Variants in ASGR1 observed in about 807,000 individuals in gnomAD.
ASGR1 encodes the protein C-type lectin domain family 4 member H1.
A neutral mutation model predicts 33.1 loss-of-function variants in ASGR1; 35 were observed. The ratio of observed to expected loss-of-function variants is 1.06; its 90% CI spans 0.81 to 1.40. The LOEUF is 1.40. Ranked by LOEUF, ASGR1 falls within the 40% of genes most tolerant of loss-of-function variation. ASGR1 has a pLI of 0.00. For missense variants in ASGR1, 396 were observed against 373.7 expected (o/e 1.06, Z -0.49); for synonymous variants, 142 against 152.5 (o/e 0.93, Z 0.51).
intron 5 of ASGR1, 39 bp from the exon 6 acceptor site, chr17:7,174,499 G>C: frequency 1.3e-6 from 2 of 1,590,914 alleles, no homozygotes; most frequent in East Asian, 2.3e-5. Flanking sequence ...AGGAGATGCG[G>C]AAACCACGGG....
At chr17:7,175,560 G>A (rs1438730790) in intron 5 of ASGR1, among the ~76,000 whole-genome samples, 1 of 150,558 alleles carries the variant, frequency 6.6e-6, no homozygotes, top group African/African-American at 2.5e-5. Context: ...CACACAACAC[G>A]CACATACACA....
At position 7,177,208 on chromosome 17, in the gene ASGR1, A is replaced by G. The variant is rs1475185753; in HGVS notation, c.187+2T>C. The G allele has an allele frequency of 1.1e-5, 18 of 1,612,826 alleles. No individual in the cohort carries two copies. The highest frequency in any genetic ancestry group is 1.5e-5 in the Non-Finnish European group (18 of 1,179,700). ...CCCCCTTCCCACCCCTGGGGCACCC[A>G]CTTTGGGATCCGATCACACAGACAA... On this transcript the variant is annotated splice_donor_variant, in intron 3 of 8. Coordinates refer to ENST00000269299, the MANE Select transcript of ASGR1 (RefSeq NM_001671.5). LOFTEE classifies it high-confidence loss of function.
chr17:7,177,411 G>T, intron 2 of ASGR1, 85 bp from the exon 3 acceptor site: 1 of 1,137,582 alleles, frequency 8.8e-7, no homozygotes, highest in Admixed American at 2.3e-5. Context: ...GCAAGCTAAG[G>T]CGGCCCTAGT....
chr17:7,174,368 C>T lies in ASGR1; in HGVS notation c.442+6G>A, dbSNP rs371862803. 3.1e-6 allele frequency: 5 copies of T among 1,613,892 alleles called. No homozygotes were observed. Among genetic ancestry groups the T allele is most frequent in the African/African-American group, 2.7e-5 (2 of 74,908 alleles). ...GGCAGAGAGCGGGCCGGGCTGGCCTCCTTACCATTGCCCTGGAGCGCCGCC... is the reference window on the plus strand; with the variant it reads ...GGCAGAGAGCGGGCCGGGCTGGCCTTCTTACCATTGCCCTGGAGCGCCGCC... On this transcript the variant is annotated splice_donor_region_variant and intron_variant, in intron 6 of 8. Transcript: ENST00000269299.
At chr17:7,175,257 T>TCA (rs559956547) in intron 5 of ASGR1, among the ~76,000 whole-genome samples, 6 of 131,014 alleles carry the variant, frequency 4.6e-5, no homozygotes, top group South Asian at 4.9e-4. Flanking sequence ...ACATACACCC[T>TCA]CACACACACA....
In ASGR1 at chr17:7,173,694, G is replaced by C; in HGVS notation, c.841C>G (p.Leu281Val). ...RPYRWVCETE[L>V]DKASQEPPLL Reference sequence around the variant, plus strand: ...GGTGGCTCCTGGCTGGCCTTGTCCAGCTCTGTCTCGCAGACCCAGCGGTAG... The same window carrying C: ...GGTGGCTCCTGGCTGGCCTTGTCCACCTCTGTCTCGCAGACCCAGCGGTAG... Residue 281 changes from leucine (L) to valine (V), a missense_variant, in exon 9 of 9, where the codon CTG becomes GTG. Physicochemically the swap from Leu to Val is conservative, Grantham distance 32. Coordinates refer to ENST00000269299, the MANE Select transcript of ASGR1 (RefSeq NM_001671.5). The surrounding 1 kb of genome is among the most constrained non-coding windows in gnomAD (Gnocchi z 4.7). The C allele has an allele frequency of 2.5e-6, 4 of 1,613,864 alleles. No individual in the cohort carries two copies. Among genetic ancestry groups the C allele is most frequent in the South Asian group, 1.1e-5 (1 of 91,088 alleles).
At chr17:7,176,733 C>T in intron 5 of ASGR1, 97 bp downstream of exon 5, 2 of 1,525,784 alleles carry the variant, frequency 1.3e-6, no homozygotes, top group East Asian at 2.3e-5. Flanking sequence ...CTCTCATTCT[C>T]ACACACATCC....
At position 7,174,414 on chromosome 17, in the gene ASGR1, C is replaced by G; in HGVS notation, c.402G>C (p.Leu134=). Residue 134 remains leucine (L), a synonymous_variant, in exon 6 of 9, where the codon CTG becomes CTC. Coordinates refer to ENST00000269299, the MANE Select transcript of ASGR1 (RefSeq NM_001671.5). ...CCGCCATCTGACAGCTCAGGCTCCG[C>G]AGGTCAGACACGAACTGCTTCACGT... ...LLHVKQFVSD[L]RSLSCQMAAL... is the part of the protein sequence containing the mutation. 1 of 1,613,866 alleles carries G rather than the reference C, an allele frequency of 6.2e-7. No homozygotes were observed. Among genetic ancestry groups the G allele is most frequent in the Non-Finnish European group, 8.5e-7 (1 of 1,179,922 alleles).
chr17:7,173,930 G>C lies in ASGR1; in HGVS notation c.701+31C>G, dbSNP rs768379651. The stretch of plus-strand genomic sequence containing the variant: ...AGGGCCCCAGGGCGCGAAGGCGGCC[G>C]GACCCAGGCCGAGGGAGGGCGCGCA... On this transcript the variant is annotated intron_variant, in intron 8 of 8. Coordinates refer to ENST00000269299, the MANE Select transcript of ASGR1 (RefSeq NM_001671.5). This position sits in a 1 kb window ranked among gnomAD's most constrained non-coding sequence, Gnocchi z 4.7. 1.1e-5 allele frequency: 18 copies of C among 1,613,232 alleles called. No homozygotes were observed. The highest frequency in any genetic ancestry group is 2.2e-5 in the South Asian group (2 of 91,074).
At position 7,173,586 on chromosome 17, in the gene ASGR1, C is replaced by T; in HGVS notation, c.*73G>A. The T allele has an allele frequency of 6.3e-7, 1 of 1,588,072 alleles. No homozygotes were observed. Among genetic ancestry groups the T allele is most frequent in the Non-Finnish European group, 8.6e-7 (1 of 1,165,114 alleles). On this transcript the variant is annotated 3_prime_UTR_variant, in exon 9 of 9. Transcript: ENST00000269299. The surrounding 1 kb of genome is among the most constrained non-coding windows in gnomAD (Gnocchi z 4.7). ...TCCTAGATGAAAATTCCCGAGAAAG[C>T]AGAAGAGGCCCCCAGATGGGCGGAT...
At chr17:7,176,568 TCTC>T in intron 5 of ASGR1, 2 of 456,442 alleles carry the variant, frequency 4.4e-6, no homozygotes, top group Non-Finnish European at 7.8e-6. Flanking sequence ...CACACCTCAT[TCTC>T]ACACACAGAC....
intron 5 of ASGR1, chr17:7,176,567 TTC>T: frequency 4.2e-6 from 2 of 480,952 alleles, no homozygotes; most frequent in Non-Finnish European, 3.7e-6. Flanking sequence ...ACACACCTCA[TTC>T]TCACACACAG....
Position 7,174,191 on chromosome 17 carries a change from A to T in ASGR1, c.541T>A (p.Tyr181Asn). 1 of 1,614,176 alleles carries T rather than the reference A, an allele frequency of 6.2e-7. No homozygotes were observed. The highest frequency in any genetic ancestry group is 2.2e-5 in the East Asian group (1 of 44,886). ...AGGTGCGCGTCCTCCAGCCGGCAGT[A>T]GTTGTCGGCGTCAGCCCAGGCCTTC... Reference protein sequence around the residue: ...SGKAWADADNYCRLEDAHLVV... With the variant: ...SGKAWADADNNCRLEDAHLVV... Residue 181 changes from tyrosine (Y) to asparagine (N), a missense_variant, in exon 7 of 9, where the codon TAC becomes AAC. Tyr to Asn is a moderately radical substitution (Grantham distance 143, BLOSUM62 -2). Transcript: ENST00000269299.
intron 5 of ASGR1, among the ~76,000 whole-genome samples, chr17:7,175,771 TCA>T (rs1040441791): frequency 4.9e-5 from 7 of 141,524 alleles, no homozygotes; most frequent in South Asian, 4.4e-4. Flanking sequence ...CTTCTCATTT[TCA>T]CACAGGCTCT....
Position 7,177,012 on chromosome 17 carries a change from C to G in ASGR1, c.252G>C (p.Thr84=). The change falls in exon 4 of 9, where the codon ACG becomes ACC. Residue 84 remains threonine (T), a synonymous_variant. Coordinates refer to ENST00000269299, the MANE Select transcript of ASGR1 (RefSeq NM_001671.5). ...TGCTCAAGCCCTTGACCTGGGCCTC[C>G]GTGCTCGCTGTGAAGTTGCTGAACG... ...RETFSNFTAS[T]EAQVKGLSTQ... is the part of the protein sequence containing the mutation. The G allele has an allele frequency of 6.2e-7, 1 of 1,612,692 alleles. No individual in the cohort carries two copies. Among genetic ancestry groups the G allele is most frequent in the Non-Finnish European group, 8.5e-7 (1 of 1,179,894 alleles).
At position 7,173,939 on chromosome 17, in the gene ASGR1, C is replaced by G. The variant is rs368109417; in HGVS notation, c.701+22G>C. On this transcript the variant is annotated intron_variant, in intron 8 of 8. Coordinates refer to ENST00000269299, the MANE Select transcript of ASGR1 (RefSeq NM_001671.5). This position sits in a 1 kb window ranked among gnomAD's most constrained non-coding sequence, Gnocchi z 4.7. ...GGGCGCGAAGGCGGCCGGACCCAGGCCGAGGGAGGGCGCGCACTCACTTGA... is the reference window on the plus strand; with the variant it reads ...GGGCGCGAAGGCGGCCGGACCCAGGGCGAGGGAGGGCGCGCACTCACTTGA... 6.2e-7 allele frequency: 1 copy of G among 1,613,798 alleles called. No homozygotes were observed. The highest frequency in any genetic ancestry group is 1.7e-5 in the Admixed American group (1 of 60,020).
chr17:7,178,328 C>A, intron 2 of ASGR1, 166 bp downstream of exon 2: 1 of 726,658 alleles, frequency 1.4e-6, no homozygotes, highest in Non-Finnish European at 2.4e-6. Context: ...ACCCCACACT[C>A]CGCCCCTCTC....
At chr17:7,176,544 C>T in intron 5 of ASGR1, 1 of 511,162 alleles carries the variant, frequency 2.0e-6, no homozygotes, top group Non-Finnish European at 3.5e-6. Flanking sequence ...CACACCATCT[C>T]ATTCTCACAC....
chr17:7,178,374 G>T, intron 2 of ASGR1, 120 bp downstream of exon 2: 1 of 1,048,900 alleles, frequency 9.5e-7, no homozygotes, highest in Non-Finnish European at 1.5e-6. Flanking sequence ...TCCCAGTGTT[G>T]GGGGAGGGAG....
Sources: allele counts gnomAD v4.1 joint callset (sites outside exome capture counted in the v4.1 genomes callset), GRCh38; gene constraint gnomAD v4.1.1; non-coding constraint Gnocchi (gnomAD v3.1); transcripts MANE v1.5; gene names NCBI Gene and HGNC (gene_info 2026-07-23, HGNC 2026-07-21).